Variants in VTI1A observed in about 807,000 individuals in gnomAD.
VTI1A encodes vesicle transport through interaction with t-SNAREs 1A.
In VTI1A, 22 loss-of-function variants were observed where a neutral mutation model predicts 34.9. That is an observed-to-expected ratio of 0.63 (90% CI 0.45 to 0.90). The LOEUF is 0.90. VTI1A is among the 40% of genes least tolerant of loss of function. The pLI is 0.00. For missense variants in VTI1A, 268 were observed against 275.6 expected, an observed-to-expected ratio of 0.97 and a Z score of 0.20; for synonymous variants, 87 against 97.3, an observed-to-expected ratio of 0.89 and a Z score of 0.62.
At chr10:112,490,552 GC>G (rs1848786726) in intron 3 of VTI1A, among the ~76,000 whole-genome samples, 4 of 151,760 alleles carry the variant, frequency 2.6e-5, no homozygotes, top group Non-Finnish European at 1.5e-5. Flanking sequence ...TTAATGATAT[GC>G]TCATTTTGAT....
At chr10:112,539,224 T>C (rs1259572423) in intron 5 of VTI1A, among the ~76,000 whole-genome samples, 2 of 152,238 alleles carry the variant, frequency 1.3e-5, no homozygotes, top group Non-Finnish European at 2.9e-5. Flanking sequence ...AACAATGTTT[T>C]TATCAATTTT....
chr10:112,755,393 G>T (rs1262599312), intron 7 of VTI1A, among the ~76,000 whole-genome samples: 8 of 152,230 alleles, frequency 5.3e-5, no homozygotes, highest in Admixed American at 3.9e-4. Context: ...ATCTGCCAGG[G>T]TGGGGGCCAC....
chr10:112,683,646 C>T (rs912733940), intron 7 of VTI1A, among the ~76,000 whole-genome samples: 3 of 152,080 alleles, frequency 2.0e-5, no homozygotes, highest in African/African-American at 7.2e-5. Context: ...TTATATTGCT[C>T]TACTCACTTA....
intron 7 of VTI1A, among the ~76,000 whole-genome samples, chr10:112,721,384 G>T (rs924176854): frequency 6.6e-6 from 1 of 152,186 alleles, no homozygotes; most frequent in African/African-American, 2.4e-5. Flanking sequence ...CAGAAGAATT[G>T]TTCAAATGTA....
At chr10:112,467,056 A>G (rs897047153) in intron 3 of VTI1A, among the ~76,000 whole-genome samples, 3 of 152,232 alleles carry the variant, frequency 2.0e-5, no homozygotes, top group Non-Finnish European at 2.9e-5. Flanking sequence ...GGACAGTCAC[A>G]TTCTCAGTAT....
chr10:112,556,407 T>TA (rs1851546235), intron 5 of VTI1A, among the ~76,000 whole-genome samples: 1 of 152,016 alleles, frequency 6.6e-6, no homozygotes, highest in Non-Finnish European at 1.5e-5. Context: ...ATTTCAACTC[T>TA]AAAAACCTCA....
intron 7 of VTI1A, among the ~76,000 whole-genome samples, chr10:112,670,165 A>C (rs1847797712): frequency 6.6e-6 from 1 of 152,158 alleles, no homozygotes; most frequent in Non-Finnish European, 1.5e-5. Context: ...TAGACAATAA[A>C]AAAGAAAGGA....
intron 5 of VTI1A, among the ~76,000 whole-genome samples, chr10:112,547,508 G>C (rs903985281): frequency 6.6e-6 from 1 of 152,122 alleles, no homozygotes; most frequent in Admixed American, 6.5e-5. Context: ...AACCCAGGAG[G>C]CAGAGGTTGC....
At chr10:112,675,709 T>G (rs1339917190) in intron 7 of VTI1A, among the ~76,000 whole-genome samples, 1 of 152,252 alleles carries the variant, frequency 6.6e-6, no homozygotes, top group East Asian at 1.9e-4. Flanking sequence ...TATATCTAAC[T>G]TTGTCATCTG....
chr10:112,709,566 T>C (rs1849325606), intron 7 of VTI1A, among the ~76,000 whole-genome samples: 1 of 151,892 alleles, frequency 6.6e-6, no homozygotes, highest in Non-Finnish European at 1.5e-5. Context: ...GACATTTACC[T>C]TCTCTTCCCC....
chr10:112,785,538 T>A (rs1852260174), intron 7 of VTI1A, among the ~76,000 whole-genome samples: 1 of 152,268 alleles, frequency 6.6e-6, no homozygotes, highest in Admixed American at 6.5e-5. Flanking sequence ...TTTTTAATTT[T>A]ATGGATCATG....
rs565169084 is a variant in VTI1A at position 112,630,223 on chromosome 10, A to T, written c.428-37995A>T. Among the ~76,000 whole-genome samples, 4 of 152,290 alleles carry T rather than the reference A, an allele frequency of 2.6e-5. No homozygotes were observed. In the South Asian group the frequency reaches 6.2e-4, roughly 24 times the overall value. Reference sequence around the variant, plus strand: ...TTCTGCCCAACACTCCCACTTTCTGATCTGCACAGGACAGCAGAGCATCCT... The same window carrying T: ...TTCTGCCCAACACTCCCACTTTCTGTTCTGCACAGGACAGCAGAGCATCCT... On this transcript the variant is annotated intron_variant, in intron 5 of 7. Transcript: ENST00000393077.
chr10:112,602,624 T>G (rs906506722), intron 5 of VTI1A, among the ~76,000 whole-genome samples: 1 of 152,256 alleles, frequency 6.6e-6, no homozygotes, highest in African/African-American at 2.4e-5. Flanking sequence ...TTGGTGCTAA[T>G]GGATTTATAA....
At chr10:112,645,976 G>A (rs1476019688) in intron 5 of VTI1A, among the ~76,000 whole-genome samples, 1 of 135,288 alleles carries the variant, frequency 7.4e-6, no homozygotes, top group East Asian at 2.2e-4. Flanking sequence ...TGATGCCAAT[G>A]TAGTGCCAGG....
chr10:112,655,262 T>C (rs751882265), intron 5 of VTI1A, among the ~76,000 whole-genome samples: 23 of 152,222 alleles, frequency 1.5e-4, no homozygotes, highest in Admixed American at 2.6e-4. Flanking sequence ...AGAAAAGATT[T>C]GAAGTATCTT....
At chr10:112,672,989 G>A (rs926466112) in intron 7 of VTI1A, among the ~76,000 whole-genome samples, 5 of 151,936 alleles carry the variant, frequency 3.3e-5, no homozygotes, top group Admixed American at 1.3e-4. Flanking sequence ...TGGCTCCTCC[G>A]CTGCATTGTA....
At chr10:112,797,487 G>C (rs1330250638) in intron 7 of VTI1A, among the ~76,000 whole-genome samples, 2 of 152,124 alleles carry the variant, frequency 1.3e-5, no homozygotes, top group Non-Finnish European at 2.9e-5. Context: ...AGGAGCCCAG[G>C]GGCCCCGAGT....
At chr10:112,685,946 A>G (rs1352088351) in intron 7 of VTI1A, among the ~76,000 whole-genome samples, 1 of 152,168 alleles carries the variant, frequency 6.6e-6, no homozygotes, top group East Asian at 1.9e-4. Context: ...CCACCACAAA[A>G]AAACACACTA....
intron 5 of VTI1A, among the ~76,000 whole-genome samples, chr10:112,650,716 G>A (rs535862233): frequency 6.6e-6 from 1 of 152,174 alleles, no homozygotes; most frequent in Non-Finnish European, 1.5e-5. Context: ...GGAATTTTCA[G>A]CGCTATTATA....
Sources: gnomAD v4.1 joint callset for allele counts (sites outside exome capture counted in the v4.1 genomes callset) on GRCh38, gnomAD v4.1.1 for gene constraint, MANE v1.5 for transcripts, NCBI Gene and HGNC (gene_info 2026-07-23, HGNC 2026-07-21) for gene names.